ARRDC2: variants seen among roughly 807,000 people sequenced by gnomAD.
The protein encoded by ARRDC2 is arrestin domain containing 2, also known as arrestin domain-containing protein 2.
In ARRDC2, 39 loss-of-function variants were observed where a neutral mutation model predicts 38.9. The ratio of observed to expected loss-of-function variants is 1.00; its 90% CI spans 0.78 to 1.31. ARRDC2 has a LOEUF of 1.31. ARRDC2 is among the 50% of genes most tolerant of loss of function. ARRDC2 has a pLI of 0.00. For missense variants in ARRDC2, 553 were observed against 588.4 expected, an observed-to-expected ratio of 0.94 and a Z score of 0.62; for synonymous variants, 300 against 261.9, an observed-to-expected ratio of 1.15 and a Z score of -1.41.
Position 18,001,544 on chromosome 19 carries a change from ACCTGCGGCGT to A in ARRDC2, c.232_241del (p.Leu78GlyfsTer32). On this transcript the variant is annotated frameshift_variant, in exon 1 of 8. Transcript: ENST00000379656. LOFTEE classifies it high-confidence loss of function. Reference sequence around the variant, plus strand: ...AGCGACTACGCGGCCGCGGAGACCTACCTGCGGCGTCGGCAGCTGCTGCTCCGAGGTGAGA... The same window carrying A: ...AGCGACTACGCGGCCGCGGAGACCTACGGCAGCTGCTGCTCCGAGGTGAGA... 4 of 1,382,054 alleles carry A rather than the reference ACCTGCGGCGT, an allele frequency of 2.9e-6. No homozygotes were observed. Among genetic ancestry groups the A allele is most frequent in the Non-Finnish European group, 3.8e-6 (4 of 1,063,932 alleles). 85.6% of individuals were successfully genotyped at this position (1,382,054 alleles called of 1,614,324 possible).
chr19:18,008,120 C>CCCCCCCCCCCCCCCCCCCCG, upstream of ARRDC2: 5 of 572,696 alleles, frequency 8.7e-6, no homozygotes, highest in Non-Finnish European at 1.0e-5. Flanking sequence ...ACGGTGACCC[C>CCCCCCCCCCCCCCCCCCCCG]ACCCCCCCCC....
intron 6 of ARRDC2, 64 bp from the exon 7 acceptor site, chr19:18,010,507 GC>G: frequency 1.3e-6 from 2 of 1,580,630 alleles, no homozygotes; most frequent in Non-Finnish European, 1.7e-6. Context: ...CCAGCTCCTG[GC>G]CCCTGGTCCC....
exon 1 of ARRDC2, chr19:18,001,433 G>A (rs1232132616): frequency 4.0e-6 from 5 of 1,239,638 alleles, no homozygotes; most frequent in East Asian, 6.3e-5. Context: ...GCGCCGCTGC[G>A]GGTGCGAGCG....
chr19:18,008,115 G>GTCCCC, upstream of ARRDC2: 3 of 810,030 alleles, frequency 3.7e-6, no homozygotes, highest in Non-Finnish European at 3.4e-6. Context: ...AAGAGACGGT[G>GTCCCC]ACCCCACCCC....
At chr19:18,004,695 A>G (rs577228221), upstream of ARRDC2, among the ~76,000 whole-genome samples, 33 of 148,108 alleles carry the variant, frequency 2.2e-4, no homozygotes, top group Non-Finnish European at 4.7e-4. Flanking sequence ...CCCTGTCTCA[A>G]AAAAAAAAAA....
At chr19:18,008,047 C>G, upstream of ARRDC2, 1 of 1,029,202 alleles carries the variant, frequency 9.7e-7, no homozygotes, top group Non-Finnish European at 1.3e-6. Context: ...TTGCTCCACG[C>G]CTGGGCAGAG....
intron 1 of ARRDC2, among the ~76,000 whole-genome samples, chr19:18,002,608 G>C (rs1157288476): frequency 1.3e-5 from 2 of 152,304 alleles, no homozygotes; most frequent in East Asian, 1.9e-4. Flanking sequence ...CCAGCGCTGC[G>C]GGCAATAGAA....
At chr19:18,001,710 G>C in intron 1 of ARRDC2, 1 of 1,065,994 alleles carries the variant, frequency 9.4e-7, no homozygotes, top group Non-Finnish European at 1.2e-6. Context: ...CCCCTTCCCG[G>C]GGTCCTGACC....
intron 1 of ARRDC2, chr19:18,001,679 C>A: frequency 1.7e-6 from 2 of 1,207,684 alleles, no homozygotes; most frequent in Non-Finnish European, 2.1e-6. Flanking sequence ...GTCGGGTGAT[C>A]CTTTTCAAGG....
At chr19:18,012,512 A>G (rs1392933678) in intron 7 of ARRDC2, among the ~76,000 whole-genome samples, 2 of 152,044 alleles carry the variant, frequency 1.3e-5, no homozygotes, top group African/African-American at 4.8e-5. Flanking sequence ...GCTTGAACCC[A>G]GGAGGTAGAG....
chr19:18,003,147 C>G (rs941096389), intron 1 of ARRDC2, among the ~76,000 whole-genome samples: 1 of 152,068 alleles, frequency 6.6e-6, no homozygotes, highest in Non-Finnish European at 1.5e-5. Context: ...GAGAGGCGAG[C>G]CTGGTGGGTC....
upstream of ARRDC2, chr19:18,007,496 G>T (rs1330358665): frequency 6.6e-6 from 1 of 152,352 alleles, no homozygotes; most frequent in Admixed American, 6.5e-5. Flanking sequence ...ACCCGGGAGC[G>T]AGGCTCTTGG....
rs372826681 is a variant in ARRDC2 at position 18,009,772 on chromosome 19, C to T, written c.593-11C>T. On this transcript the variant is annotated splice_polypyrimidine_tract_variant and intron_variant, in intron 4 of 7. Coordinates refer to ENST00000222250, the MANE Select transcript of ARRDC2 (RefSeq NM_015683.2). ...GAGGGGAAACTGAGGCCCCACTGCT[C>T]CTTGCTGCAGGAGAGGTCATCCCTG... The T allele has an allele frequency of 6.2e-7, 1 of 1,613,134 alleles. No homozygotes were observed. The highest frequency in any genetic ancestry group is 8.5e-7 in the Non-Finnish European group (1 of 1,179,858).
At position 18,009,410 on chromosome 19, in the gene ARRDC2, AT is replaced by A. The variant is rs955807287; in HGVS notation, c.490-179del. The stretch of plus-strand genomic sequence containing the variant: ...ACCAAACACTTGGCTTATACATTTC[AT>A]TTCTGGCTTTATAAGATGGGTTGTG... On this transcript the variant is annotated intron_variant, in intron 3 of 7. Transcript: ENST00000222250. 3 of 645,738 alleles carry A rather than the reference AT, an allele frequency of 4.6e-6. No homozygotes were observed. In the African/African-American group the frequency reaches 5.5e-5, roughly 12 times the overall value. 40.0% of individuals were successfully genotyped at this position (645,738 alleles called of 1,614,324 possible). A position where few individuals can be genotyped will look rare whatever the true frequency, so the allele number is the denominator to read the frequency against.
rs1021169029 is a variant in ARRDC2 at position 18,001,571 on chromosome 19, G to A, written c.257G>A (p.Arg86Gln). Residue 86 changes from arginine (R) to glutamine (Q), a missense_variant and splice_region_variant, in exon 1 of 8, where the codon CGA becomes CAA. Arg to Gln is a conservative substitution (Grantham distance 43). Coordinates refer to the ARRDC2 transcript ENST00000379656. ...CTGCGGCGTCGGCAGCTGCTGCTCC[G>A]AGGTGAGACACTCGTCGCGCCGCCC... The A allele has an allele frequency of 1.0e-5, 14 of 1,336,696 alleles. No individual in the cohort carries two copies. The Admixed American group carries it at 1.5e-4, about 14-fold the overall frequency. The allele number at this position is 1,336,696 out of a possible 1,614,324, so 82.8% of individuals were successfully genotyped here. A position where few individuals can be genotyped will look rare whatever the true frequency, so the allele number is the denominator to read the frequency against.
chr19:18,008,661 T>C, intron 1 of ARRDC2, 50 bp from the exon 2 acceptor site: 1 of 1,607,990 alleles, frequency 6.2e-7, no homozygotes, highest in Non-Finnish European at 8.5e-7. Flanking sequence ...CCGTCAGCCC[T>C]GGGACCCCAG....
At chr19:18,001,827 C>A (rs2033192724) in intron 1 of ARRDC2, among the ~76,000 whole-genome samples, 1 of 152,208 alleles carries the variant, frequency 6.6e-6, no homozygotes, top group African/African-American at 2.4e-5. Flanking sequence ...CCTGGAGTCC[C>A]AGCTACAGGC....
At position 18,008,727 on chromosome 19, in the gene ARRDC2, G is replaced by T; in HGVS notation, c.291G>T (p.Thr97=). 6.2e-7 allele frequency: 1 copy of T among 1,613,452 alleles called. No individual in the cohort carries two copies. The highest frequency in any genetic ancestry group is 1.3e-5 in the African/African-American group (1 of 74,996). Residue 97 remains threonine (T), a synonymous_variant, in exon 2 of 8, where the codon ACG becomes ACT. Coordinates refer to ENST00000222250, the MANE Select transcript of ARRDC2 (RefSeq NM_015683.2). ...TLLAPDTGET[T]TLPPGRHEFL... The stretch of plus-strand genomic sequence containing the variant: ...TACCTGCAGATACCGGGGAGACCAC[G>T]ACGCTGCCTCCTGGGCGCCATGAGT...
In ARRDC2 at chr19:18,013,861, C is replaced by T. The variant is rs1395655596; in HGVS notation, c.*895C>T. The T allele has an allele frequency of 1.3e-5, 2 of 152,278 alleles. No individual in the cohort carries two copies. Among genetic ancestry groups the T allele is most frequent in the East Asian group, 3.9e-4 (2 of 5,170 alleles). The allele number at this position is 152,278 out of a possible 1,614,324, so 9.4% of individuals were successfully genotyped here. ...AGAATTCAAGACAGTGACAGCATTA[C>T]GTCACCCCTGGGGACAGAGGTCAGC... On this transcript the variant is annotated 3_prime_UTR_variant, in exon 8 of 8. Coordinates refer to ENST00000222250, the MANE Select transcript of ARRDC2 (RefSeq NM_015683.2).
Sources: allele counts gnomAD v4.1 joint callset (sites outside exome capture counted in the v4.1 genomes callset), GRCh38; gene constraint gnomAD v4.1.1; transcripts MANE v1.5; gene names NCBI Gene and HGNC (gene_info 2026-07-23, HGNC 2026-07-21).